The following PRKG1 variants were observed in gnomAD, a reference collection of about 807,000 sequenced individuals.
PRKG1 encodes protein kinase cGMP-dependent 1.
In PRKG1, 35 loss-of-function variants were observed where a neutral mutation model predicts 88.1. The observed-to-expected ratio is 0.40, with a 90% CI of 0.30 to 0.53. The LOEUF (loss-of-function observed/expected upper bound fraction) is 0.53. PRKG1 is among the 20% of genes least tolerant of loss of function. The pLI is 0.59. For missense variants in PRKG1, 540 were observed against 839.8 expected (o/e 0.64, Z 4.41); for synonymous variants, 303 against 292.5 (o/e 1.04, Z -0.37).
chr10:51,584,584 A>G (rs1277881543), intron 3 of PRKG1, among the ~76,000 whole-genome samples: 2 of 152,076 alleles, frequency 1.3e-5, no homozygotes, highest in Non-Finnish European at 2.9e-5. Context: ...TTAGTTGTCA[A>G]CATTTATGGA....
intron 3 of PRKG1, among the ~76,000 whole-genome samples, chr10:51,688,504 A>G (rs186571877): frequency 9.6e-4 from 146 of 152,152 alleles, no homozygotes; most frequent in Non-Finnish European, 5.3e-4. Flanking sequence ...CTCTGCCTGA[A>G]AAATTTCTGT....
intron 9 of PRKG1, among the ~76,000 whole-genome samples, chr10:52,204,463 G>A (rs1332233773): frequency 1.3e-5 from 2 of 152,150 alleles, no homozygotes; most frequent in Non-Finnish European, 2.9e-5. Context: ...CCCGAATGGA[G>A]GGACTGGCTG....
intron 1 of PRKG1, among the ~76,000 whole-genome samples, chr10:51,077,866 T>C (rs1402830047): frequency 6.6e-6 from 1 of 152,212 alleles, no homozygotes; most frequent in Non-Finnish European, 1.5e-5. Flanking sequence ...GGAAATAAAC[T>C]GAGCAAATAA....
At chr10:51,316,711 A>AAT (rs1486983595) in intron 2 of PRKG1, among the ~76,000 whole-genome samples, 2 of 152,010 alleles carry the variant, frequency 1.3e-5, no homozygotes, top group Admixed American at 6.6e-5. Flanking sequence ...TAAATAAATA[A>AAT]AAAGACAAAA....
chr10:51,698,680 A>G, intron 3 of PRKG1: 1 of 1,614,120 alleles, frequency 6.2e-7, no homozygotes, highest in Non-Finnish European at 8.5e-7. Flanking sequence ...CTGGCATTCC[A>G]AGTTGGGGCT....
chr10:51,115,791 G>A (rs1018555890), intron 1 of PRKG1, among the ~76,000 whole-genome samples: 1 of 148,664 alleles, frequency 6.7e-6, no homozygotes, highest in African/African-American at 2.5e-5. Context: ...AGCTGAGATT[G>A]TGCCAATGCA....
intron 2 of PRKG1, among the ~76,000 whole-genome samples, chr10:51,232,254 A>C (rs1414096663): frequency 6.6e-6 from 1 of 152,208 alleles, no homozygotes; most frequent in African/African-American, 2.4e-5. Flanking sequence ...CCTCTGTGCT[A>C]GTTTGTTGGC....
Position 51,791,145 on chromosome 10 carries a change from A to G in PRKG1, c.593-13440A>G, listed in dbSNP as rs563952294. Among the ~76,000 whole-genome samples, 127 of 152,312 alleles carry G rather than the reference A, an allele frequency of 8.3e-4. 5 individuals carry two copies. In the South Asian group the frequency reaches 0.025, roughly 30 times the overall value. On this transcript the variant is annotated intron_variant, in intron 3 of 17. Transcript: ENST00000373980. ...ATTCAAATTTCATTTGAGATGGAATAGTTAAGGCTGTTAGCTTAAGATGGA... is the reference window on the plus strand; with the variant it reads ...ATTCAAATTTCATTTGAGATGGAATGGTTAAGGCTGTTAGCTTAAGATGGA...
chr10:51,810,301 T>C (rs1233541851), intron 4 of PRKG1, among the ~76,000 whole-genome samples: 1 of 152,192 alleles, frequency 6.6e-6, no homozygotes, highest in Non-Finnish European at 1.5e-5. Context: ...AAAGTACTGA[T>C]CATATGGTTT....
At chr10:52,129,912 T>C (rs1837210187) in intron 7 of PRKG1, among the ~76,000 whole-genome samples, 1 of 152,142 alleles carries the variant, frequency 6.6e-6, no homozygotes, top group Non-Finnish European at 1.5e-5. Flanking sequence ...GCAAAGCATA[T>C]AAGCAGCCTA....
intron 5 of PRKG1, among the ~76,000 whole-genome samples, chr10:51,930,145 A>G (rs1026719797): frequency 1.9e-4 from 29 of 152,214 alleles, no homozygotes; most frequent in African/African-American, 6.3e-4. Flanking sequence ...GCTGGTTACT[A>G]AAACTGTATG....
At chr10:51,578,209 G>T (rs1297798953) in intron 3 of PRKG1, among the ~76,000 whole-genome samples, 1 of 151,884 alleles carries the variant, frequency 6.6e-6, no homozygotes, top group Non-Finnish European at 1.5e-5. Context: ...TTAGATTATT[G>T]GTAAATAGCA....
intron 1 of PRKG1, among the ~76,000 whole-genome samples, chr10:51,142,913 A>G (rs948346149): frequency 6.6e-6 from 1 of 152,128 alleles, no homozygotes; most frequent in African/African-American, 2.4e-5. Context: ...TGAAATATAT[A>G]TGCATTTACA....
chr10:52,062,469 T>A, intron 6 of PRKG1, 68 bp from the exon 7 acceptor site: 1 of 940,080 alleles, frequency 1.1e-6, no homozygotes, highest in Non-Finnish European at 1.5e-6. Context: ...ATTAACTTCA[T>A]TAATTAGTGT....
At chr10:51,259,822 A>G (rs942234702) in intron 2 of PRKG1, among the ~76,000 whole-genome samples, 1 of 151,980 alleles carries the variant, frequency 6.6e-6, no homozygotes, top group Non-Finnish European at 1.5e-5. Flanking sequence ...TGAGATGTGA[A>G]TTATAGCCAG....
At chr10:51,707,659 C>T (rs1283674877) in intron 3 of PRKG1, among the ~76,000 whole-genome samples, 1 of 152,034 alleles carries the variant, frequency 6.6e-6, no homozygotes, top group African/African-American at 2.4e-5. Context: ...CTGCCACTCA[C>T]TTCAGAAATT....
At chr10:51,402,861 C>T (rs923578704) in intron 2 of PRKG1, among the ~76,000 whole-genome samples, 1 of 152,192 alleles carries the variant, frequency 6.6e-6, no homozygotes, top group African/African-American at 2.4e-5. Flanking sequence ...GCCTGGCTTA[C>T]ACCCAAGAAG....
At chr10:51,586,745 C>T (rs1236693202) in intron 3 of PRKG1, among the ~76,000 whole-genome samples, 2 of 151,918 alleles carry the variant, frequency 1.3e-5, no homozygotes, top group Non-Finnish European at 2.9e-5. Context: ...TGTCTGATAC[C>T]CAAATTATGT....
intron 2 of PRKG1, among the ~76,000 whole-genome samples, chr10:51,227,658 A>G (rs1838728804): frequency 6.6e-6 from 1 of 152,210 alleles, no homozygotes; most frequent in African/African-American, 2.4e-5. Context: ...CTCCCGGACC[A>G]GACTTTAGAG....
Sources: allele counts gnomAD v4.1 joint callset (sites outside exome capture counted in the v4.1 genomes callset), GRCh38; gene constraint gnomAD v4.1.1; transcripts MANE v1.5; gene names NCBI Gene and HGNC (gene_info 2026-07-23, HGNC 2026-07-21).